FMN2: variants seen among roughly 807,000 people sequenced by gnomAD.
FMN2 encodes formin 2, also known as formin-2.
A neutral mutation model predicts 142.3 loss-of-function variants in FMN2; 51 were observed. That is an observed-to-expected ratio of 0.36 (90% CI 0.29 to 0.45). The LOEUF is 0.45. Among genes scored for constraint, FMN2 ranks in the 20% least tolerant of loss-of-function variants. The pLI is 1.00. For missense variants in FMN2, 1,936 were observed against 2,122.8 expected, an observed-to-expected ratio of 0.91 and a Z score of 1.73; for synonymous variants, 882 against 869.8, an observed-to-expected ratio of 1.01 and a Z score of -0.25.
chr1:240,280,831 A>T (rs191734317), intron 7 of FMN2, among the ~76,000 whole-genome samples: 1 of 152,176 alleles, frequency 6.6e-6, no homozygotes, highest in Non-Finnish European at 1.5e-5. Flanking sequence ...AATAAATCTT[A>T]TCTAAACAGT....
At chr1:240,121,065 G>T (rs1662221251) in intron 1 of FMN2, among the ~76,000 whole-genome samples, 1 of 152,088 alleles carries the variant, frequency 6.6e-6, no homozygotes, top group South Asian at 2.1e-4. Context: ...GGAGGCTGAG[G>T]CAGGAGAATC....
chr1:240,225,957 A>G (rs1667283061), intron 6 of FMN2, among the ~76,000 whole-genome samples: 1 of 152,204 alleles, frequency 6.6e-6, no homozygotes, highest in South Asian at 2.1e-4. Context: ...ACAGAAGAAA[A>G]TAATCAGCAG....
chr1:240,334,053 C>G, intron 12 of FMN2, 56 bp from the exon 13 acceptor site: 2 of 1,568,876 alleles, frequency 1.3e-6, no homozygotes, highest in Non-Finnish European at 1.7e-6. Context: ...TGCTATTATT[C>G]TTTTTTATAT....
Position 240,268,094 on chromosome 1 carries a change from G to A in FMN2, c.4153+10062G>A, listed in dbSNP as rs78974809. On this transcript the variant is annotated intron_variant, in intron 7 of 17. Transcript: ENST00000319653. ...CAGTGTGGGGATTTCTGAAAAAAAC[G>A]TAAAACACAACTCTCATTAGACCCA... Among the ~76,000 whole-genome samples the A allele has an allele frequency of 8.6e-5, 13 of 152,044 alleles. No homozygotes were observed. The East Asian group carries it at 1.7e-3, about 20-fold the overall frequency.
chr1:240,174,016 G>T (rs1230008284), intron 2 of FMN2, among the ~76,000 whole-genome samples: 3 of 152,262 alleles, frequency 2.0e-5, no homozygotes, highest in African/African-American at 7.2e-5. Context: ...GGTTGATCAT[G>T]ATGCCAGGTC....
At chr1:240,115,074 T>C (rs1317939576) in intron 1 of FMN2, among the ~76,000 whole-genome samples, 1 of 152,232 alleles carries the variant, frequency 6.6e-6, no homozygotes, top group Admixed American at 6.5e-5. Flanking sequence ...CATAAATGCC[T>C]CATTATTTCC....
intron 15 of FMN2, among the ~76,000 whole-genome samples, chr1:240,393,777 C>T (rs1673686040): frequency 6.6e-6 from 1 of 152,200 alleles, no homozygotes; most frequent in Non-Finnish European, 1.5e-5. Context: ...AGCAAAACAG[C>T]ATTCTTGCTG....
intron 11 of FMN2, among the ~76,000 whole-genome samples, chr1:240,331,283 A>G (rs1027162569): frequency 2.6e-5 from 4 of 152,132 alleles, no homozygotes; most frequent in Non-Finnish European, 5.9e-5. Flanking sequence ...GGGGATGTCT[A>G]AGCTCTCTTG....
intron 14 of FMN2, among the ~76,000 whole-genome samples, chr1:240,361,037 G>T (rs1033192542): frequency 8.0e-5 from 12 of 150,920 alleles, no homozygotes; most frequent in African/African-American, 1.2e-4. Context: ...AAGTTAATGG[G>T]TGCAGCACAC....
intron 15 of FMN2, among the ~76,000 whole-genome samples, chr1:240,409,682 C>T (rs898831772): frequency 1.3e-5 from 2 of 151,764 alleles, no homozygotes; most frequent in Non-Finnish European, 2.9e-5. Flanking sequence ...TTTGTGTAGA[C>T]TCCATAAATT....
At chr1:240,382,307 T>G (rs1046857456) in intron 14 of FMN2, among the ~76,000 whole-genome samples, 2 of 152,086 alleles carry the variant, frequency 1.3e-5, no homozygotes, top group East Asian at 3.9e-4. Flanking sequence ...TACAAAACAC[T>G]GATGAAAGAA....
intron 15 of FMN2, among the ~76,000 whole-genome samples, chr1:240,405,793 A>G (rs1414353752): frequency 2.0e-5 from 3 of 152,226 alleles, no homozygotes; most frequent in African/African-American, 7.2e-5. Context: ...TCTAAGGAGA[A>G]TGAAAGCATG....
chr1:240,404,143 C>G (rs1425537409), intron 15 of FMN2, among the ~76,000 whole-genome samples: 1 of 152,160 alleles, frequency 6.6e-6, no homozygotes, highest in Non-Finnish European at 1.5e-5. Flanking sequence ...TAGTTTCATA[C>G]AGTATGTAAC....
chr1:240,357,565 T>G (rs182042770), intron 14 of FMN2, among the ~76,000 whole-genome samples: 2 of 152,084 alleles, frequency 1.3e-5, no homozygotes, highest in Non-Finnish European at 2.9e-5. Flanking sequence ...CCAGTCATAC[T>G]AACTGTGTAA....
chr1:240,133,295 T>C (rs1662812707), intron 2 of FMN2, among the ~76,000 whole-genome samples: 1 of 152,018 alleles, frequency 6.6e-6, no homozygotes, highest in Non-Finnish European at 1.5e-5. Context: ...GCCTCCCAAA[T>C]AGCTGGGACT....
intron 1 of FMN2, among the ~76,000 whole-genome samples, chr1:240,094,907 A>G (rs1661145232): frequency 6.6e-6 from 1 of 152,162 alleles, no homozygotes; most frequent in Non-Finnish European, 1.5e-5. Context: ...TATTGACCAC[A>G]TTTTAATTTT....
chr1:240,250,875 T>G (rs1489964923), intron 6 of FMN2, among the ~76,000 whole-genome samples: 6 of 152,086 alleles, frequency 3.9e-5, no homozygotes, highest in Non-Finnish European at 5.9e-5. Context: ...TATTATTGTA[T>G]AGTTGTTCAT....
At chr1:240,447,961 G>A (rs1675883705) in intron 16 of FMN2, among the ~76,000 whole-genome samples, 1 of 152,152 alleles carries the variant, frequency 6.6e-6, no homozygotes, top group Admixed American at 6.5e-5. Context: ...CATGAGAGTG[G>A]ACCACAGTTG....
At chr1:240,253,125 G>A (rs1011093259) in intron 6 of FMN2, among the ~76,000 whole-genome samples, 8 of 150,798 alleles carry the variant, frequency 5.3e-5, no homozygotes, top group Non-Finnish European at 1.2e-4. Context: ...GCTAATTTTT[G>A]TATTTTATTT....
Sources: allele counts gnomAD v4.1 joint callset (sites outside exome capture counted in the v4.1 genomes callset), GRCh38; gene constraint gnomAD v4.1.1; transcripts MANE v1.5; gene names NCBI Gene and HGNC (gene_info 2026-07-23, HGNC 2026-07-21).